The following NHS variants were observed in gnomAD, a reference collection of about 807,000 sequenced individuals.
The protein encoded by NHS is actin remodeling regulator NHS.
In NHS, 5 loss-of-function variants were observed where a neutral mutation model predicts 72.5. The observed-to-expected ratio is 0.07, with a 90% CI of 0.04 to 0.14. The LOEUF is 0.14. Ranked by LOEUF, NHS falls within the 10% of genes least tolerant of loss-of-function variation. NHS has a pLI of 1.00. For missense variants in NHS, 1,072 were observed against 1,355.7 expected, an observed-to-expected ratio of 0.79 and a Z score of 3.29; for synonymous variants, 464 against 547.7, an observed-to-expected ratio of 0.85 and a Z score of 2.13.
intron 3 of NHS, among the ~76,000 whole-genome samples, chrX:17,693,758 G>A (rs992081042): frequency 5.3e-5 from 6 of 112,795 alleles, no homozygotes; most frequent in Non-Finnish European, 9.4e-5. Context: ...CTACATTGCT[G>A]CACTGCAGCC....
chrX:17,682,044 G>A (rs899129213), intron 1 of NHS, among the ~76,000 whole-genome samples: 1 of 110,909 alleles, frequency 9.0e-6, no homozygotes, highest in African/African-American at 3.3e-5. Context: ...CTGCTCTGCA[G>A]GTGACAGGAG....
At chrX:17,399,936 T>G (rs1011632150) in intron 1 of NHS, among the ~76,000 whole-genome samples, 7 of 111,939 alleles carry the variant, frequency 6.3e-5, no homozygotes, top group African/African-American at 1.9e-4. Context: ...ATGAAGTACA[T>G]CTATGAAAGA....
At chrX:17,685,930 G>A (rs762316268) in intron 1 of NHS, among the ~76,000 whole-genome samples, 1 of 111,945 alleles carries the variant, frequency 8.9e-6, no homozygotes, top group African/African-American at 3.3e-5. Flanking sequence ...TATGAGGGTC[G>A]GGATTCCTGT....
At chrX:17,400,319 G>A (rs1319111144) in intron 1 of NHS, among the ~76,000 whole-genome samples, 1 of 112,098 alleles carries the variant, frequency 8.9e-6, no homozygotes, top group Non-Finnish European at 1.9e-5. Flanking sequence ...CAGGTGTGGT[G>A]GCTCATGCCT....
chrX:17,685,243 C>A (rs1713964990), intron 1 of NHS, among the ~76,000 whole-genome samples: 2 of 112,050 alleles, frequency 1.8e-5, no homozygotes, highest in Middle Eastern at 4.6e-3. Context: ...AAAGAGTTTT[C>A]CTCCTTTCCC....
chrX:17,394,617 G>A (rs2064462894), intron 1 of NHS, among the ~76,000 whole-genome samples: 1 of 111,570 alleles, frequency 9.0e-6, no homozygotes, highest in African/African-American at 3.3e-5. Flanking sequence ...TTGCCTTTGA[G>A]GACCTGGTAA....
intron 3 of NHS, among the ~76,000 whole-genome samples, chrX:17,693,502 ACT>A (rs766508344): frequency 6.9e-4 from 77 of 112,089 alleles, no homozygotes; most frequent in African/African-American, 2.3e-3. Flanking sequence ...TGCGTGTATG[ACT>A]CTAAATTGTG....
At chrX:17,581,243 G>A (rs761595884) in intron 1 of NHS, among the ~76,000 whole-genome samples, 32 of 111,992 alleles carry the variant, frequency 2.9e-4, no homozygotes, top group African/African-American at 8.4e-4. Context: ...TCTATTCCTC[G>A]TATTGTTCCT....
At chrX:17,383,306 A>G (rs764621377) in intron 1 of NHS, among the ~76,000 whole-genome samples, 46 of 111,667 alleles carry the variant, frequency 4.1e-4, no homozygotes, top group Non-Finnish European at 1.1e-4. Context: ...GTAGAGATGA[A>G]GTTTCTCACT....
At chrX:17,472,167 C>T (rs928611939) in intron 1 of NHS, among the ~76,000 whole-genome samples, 2 of 111,094 alleles carry the variant, frequency 1.8e-5, no homozygotes, top group South Asian at 7.6e-4. Flanking sequence ...GATCAAGGCA[C>T]TTAGTTGTAT....
intron 5 of NHS, 74 bp from the exon 6 acceptor site, chrX:17,724,225 T>C (rs1216909182): frequency 1.7e-6 from 2 of 1,169,698 alleles, no homozygotes; most frequent in African/African-American, 3.5e-5. Context: ...CCGTCAAAAA[T>C]ATCACTGTGT....
At chrX:17,529,564 T>C (rs181057839) in intron 1 of NHS, among the ~76,000 whole-genome samples, 11 of 111,361 alleles carry the variant, frequency 9.9e-5, no homozygotes, top group African/African-American at 3.6e-4. Context: ...CGCGTTGTTT[T>C]TCTAGGGGGA....
At chrX:17,404,629 C>T (rs147366118) in intron 1 of NHS, among the ~76,000 whole-genome samples, 197 of 111,104 alleles carry the variant, frequency 1.8e-3, no homozygotes, top group Non-Finnish European at 3.1e-3. Flanking sequence ...TCTCCTTCTG[C>T]CTCCCTAGAT....
At position 17,662,331 on chromosome X, in the gene NHS, T is replaced by C. The variant is rs531143020; in HGVS notation, c.566-25411T>C. ...AGTAAGTCTGATGCCTCAAGGATTT[T>C]CCCCTCCTCATACTACCCCTTACAA... On this transcript the variant is annotated intron_variant, in intron 1 of 8. Coordinates refer to ENST00000676302, the MANE Select transcript of NHS (RefSeq NM_001291867.2). Among the ~76,000 whole-genome samples the C allele has an allele frequency of 1.8e-4, 20 of 111,666 alleles. 1 individual carries two copies. In the South Asian group the frequency reaches 6.9e-3, roughly 38 times the overall value.
At position 17,732,241 on chromosome X, in the gene NHS, C is replaced by T. The variant is rs1326649835; in HGVS notation, c.4733C>T (p.Pro1578Leu). The T allele has an allele frequency of 8.3e-7, 1 of 1,210,425 alleles. No individual in the cohort carries two copies. Among genetic ancestry groups the T allele is most frequent in the Non-Finnish European group, 1.1e-6 (1 of 895,369 alleles). Reference sequence around the variant, plus strand: ...GCTGAGGCATTGTCCCCACTCTCTCCATGCTCCCCACGAGTTAATGCAGAA... The same window carrying T: ...GCTGAGGCATTGTCCCCACTCTCTCTATGCTCCCCACGAGTTAATGCAGAA... Reference protein sequence around the residue: ...QGAEALSPLSPCSPRVNAEGF... With the variant: ...QGAEALSPLSLCSPRVNAEGF... Residue 1578 changes from proline (P) to leucine (L), a missense_variant, in exon 9 of 9, where the codon CCA becomes CTA. Transcript: ENST00000676302.
At chrX:17,531,108 G>A (rs2065196196) in intron 1 of NHS, among the ~76,000 whole-genome samples, 2 of 111,618 alleles carry the variant, frequency 1.8e-5, no homozygotes, top group South Asian at 3.8e-4. Flanking sequence ...GCACCAGCCA[G>A]GCTACCCTTG....
intron 1 of NHS, among the ~76,000 whole-genome samples, chrX:17,469,727 G>A (rs2064884006): frequency 8.9e-6 from 1 of 111,971 alleles, no homozygotes; most frequent in Admixed American, 9.4e-5. Context: ...TGCAGCCTCC[G>A]CCTCTTGGGT....
intron 1 of NHS, among the ~76,000 whole-genome samples, chrX:17,545,451 C>G (rs2065287477): frequency 1.8e-5 from 2 of 111,685 alleles, no homozygotes; most frequent in South Asian, 7.6e-4. Context: ...AGGAATCTTA[C>G]CGGTAGGAGA....
At chrX:17,580,079 A>C (rs1719658639) in intron 1 of NHS, among the ~76,000 whole-genome samples, 1 of 110,642 alleles carries the variant, frequency 9.0e-6, no homozygotes, top group Non-Finnish European at 1.9e-5. Flanking sequence ...CATCCTTTCA[A>C]GGTCTGCTCT....
Sources: gnomAD v4.1 joint callset for allele counts (sites outside exome capture counted in the v4.1 genomes callset) on GRCh38, gnomAD v4.1.1 for gene constraint, MANE v1.5 for transcripts, NCBI Gene and HGNC (gene_info 2026-07-23, HGNC 2026-07-21) for gene names.